The following CDK8 variants were observed in gnomAD, a reference collection of about 807,000 sequenced individuals.
The protein encoded by CDK8 is cyclin-dependent kinase 8.
A neutral mutation model predicts 71.5 loss-of-function variants in CDK8; 29 were observed. The observed-to-expected ratio is 0.41, with a 90% CI of 0.30 to 0.55. The LOEUF is 0.55. Among genes scored for constraint, CDK8 ranks in the 20% least tolerant of loss-of-function variants. The pLI is 0.37. For missense variants in CDK8, 288 were observed against 572.6 expected (o/e 0.50, Z 5.07); for synonymous variants, 161 against 192.1 (o/e 0.84, Z 1.34).
intron 6 of CDK8, among the ~76,000 whole-genome samples, chr13:26,391,726 T>G (rs1466788493): frequency 6.6e-6 from 1 of 152,252 alleles, no homozygotes; most frequent in African/African-American, 2.4e-5. Flanking sequence ...CTATGTTTCT[T>G]GATGAGACTT....
chr13:26,375,433 C>T lies in CDK8; in HGVS notation c.457-7381C>T, dbSNP rs151250310. ...GCTTGCCAAAAGATAGCCTATCACT[C>T]TTAAGATACAGACACCCTTTTATAT... On this transcript the variant is annotated intron_variant, in intron 4 of 12. Transcript: ENST00000381527. Among the ~76,000 whole-genome samples, 452 of 152,318 alleles carry T rather than the reference C, an allele frequency of 3.0e-3. 5 individuals carry two copies. The highest frequency in any genetic ancestry group is 0.01 in the African/African-American group (431 of 41,582).
chr13:26,289,490 T>C (rs1363639073), intron 1 of CDK8, among the ~76,000 whole-genome samples: 3 of 152,228 alleles, frequency 2.0e-5, no homozygotes, highest in Non-Finnish European at 4.4e-5. Flanking sequence ...TTGTTGCTAG[T>C]ATTTGAAGGA....
At chr13:26,256,260 A>G (rs1338009011) in intron 1 of CDK8, among the ~76,000 whole-genome samples, 2 of 152,142 alleles carry the variant, frequency 1.3e-5, no homozygotes, top group African/African-American at 4.8e-5. Flanking sequence ...GTCTAATTAG[A>G]CTTATTGTTG....
rs544003845 is a variant in CDK8 at position 26,362,621 on chromosome 13, G to C, written c.456+8741G>C. Among the ~76,000 whole-genome samples, 55 of 152,126 alleles carry C rather than the reference G, an allele frequency of 3.6e-4. 1 individual carries two copies. In the South Asian group the frequency reaches 0.011, roughly 31 times the overall value. On this transcript the variant is annotated intron_variant, in intron 4 of 12. Transcript: ENST00000381527. ...CATCTGGGCCCTCACCTAATAAGATGGTGTCCATCTATGTACGTTACTTGG... is the reference window on the plus strand; with the variant it reads ...CATCTGGGCCCTCACCTAATAAGATCGTGTCCATCTATGTACGTTACTTGG...
In CDK8 at chr13:26,401,238, C is replaced by G; in HGVS notation, c.1032-31C>G. On this transcript the variant is annotated intron_variant, in intron 10 of 12. Coordinates refer to ENST00000381527, the MANE Select transcript of CDK8 (RefSeq NM_001260.3). The surrounding 1 kb of genome is among the most constrained non-coding windows in gnomAD (Gnocchi z 4.5). ...GCATTTGGAATATTGATTAGTATACCAGAAATGGTTTTTCTTTTTCTTATG... is the reference window on the plus strand; with the variant it reads ...GCATTTGGAATATTGATTAGTATACGAGAAATGGTTTTTCTTTTTCTTATG... The G allele has an allele frequency of 1.3e-6, 2 of 1,528,960 alleles. No individual in the cohort carries two copies. Among genetic ancestry groups the G allele is most frequent in the Non-Finnish European group, 1.8e-6 (2 of 1,105,716 alleles). 94.7% of individuals were successfully genotyped at this position (1,528,960 alleles called of 1,614,324 possible).
chr13:26,398,513 C>G (rs1272794163), intron 9 of CDK8, among the ~76,000 whole-genome samples: 1 of 152,152 alleles, frequency 6.6e-6, no homozygotes, highest in Non-Finnish European at 1.5e-5. Context: ...TGAGTAGTCT[C>G]TTAGGAAAGC....
chr13:26,382,784 C>T, intron 4 of CDK8, 30 bp from the exon 5 acceptor site: 1 of 1,463,416 alleles, frequency 6.8e-7, no homozygotes, highest in South Asian at 1.2e-5. Flanking sequence ...CTACTGTCTA[C>T]TGAAAAAAAA....
intron 1 of CDK8, among the ~76,000 whole-genome samples, chr13:26,280,704 C>G (rs941459772): frequency 6.6e-6 from 1 of 152,192 alleles, no homozygotes; most frequent in African/African-American, 2.4e-5. Flanking sequence ...GATTTCCTGT[C>G]TTGTTGAATA....
chr13:26,258,493 G>T (rs1233310283), intron 1 of CDK8, among the ~76,000 whole-genome samples: 3 of 101,052 alleles, frequency 3.0e-5, no homozygotes, highest in African/African-American at 7.5e-5. Context: ...ATCTAGAGGG[G>T]TGTGTGTGTG....
At chr13:26,313,860 G>C (rs925301001) in intron 1 of CDK8, among the ~76,000 whole-genome samples, 2 of 152,182 alleles carry the variant, frequency 1.3e-5, no homozygotes, top group Admixed American at 6.5e-5. Context: ...ACAGGTCGGA[G>C]AACAGGGATT....
At chr13:26,298,002 T>G (rs1254184410) in intron 1 of CDK8, among the ~76,000 whole-genome samples, 1 of 152,022 alleles carries the variant, frequency 6.6e-6, no homozygotes, top group African/African-American at 2.4e-5. Flanking sequence ...AATATCCCAT[T>G]GCCCCTATTA....
At position 26,393,431 on chromosome 13, in the gene CDK8, A is replaced by G. The variant is rs1875847243; in HGVS notation, c.711A>G (p.Arg237=). The change falls in exon 7 of 13, where the codon CGA becomes CGG. Residue 237 remains arginine (R), a synonymous_variant. Coordinates refer to ENST00000381527, the MANE Select transcript of CDK8 (RefSeq NM_001260.3). The part of the protein sequence containing the change: ...LLTSEPIFHC[R]QEDIKTSNPY... ...CGTCAGAACCAATATTTCACTGTCGACAAGAGGACATCAAAACTAGTAATC... is the reference window on the plus strand; with the variant it reads ...CGTCAGAACCAATATTTCACTGTCGGCAAGAGGACATCAAAACTAGTAATC... 1.2e-6 allele frequency: 2 copies of G among 1,612,126 alleles called. No homozygotes were observed. Among genetic ancestry groups the G allele is most frequent in the Non-Finnish European group, 1.7e-6 (2 of 1,178,712 alleles).
chr13:26,299,185 G>T (rs1230757343), intron 1 of CDK8, among the ~76,000 whole-genome samples: 1 of 152,168 alleles, frequency 6.6e-6, no homozygotes, highest in African/African-American at 2.4e-5. Context: ...CCTTAGGAAG[G>T]ATTAATGCTA....
At chr13:26,332,586 C>T (rs1044555246) in intron 1 of CDK8, among the ~76,000 whole-genome samples, 1 of 152,134 alleles carries the variant, frequency 6.6e-6, no homozygotes, top group African/African-American at 2.4e-5. Context: ...CCTGTCTGAT[C>T]GCTCTACCTA....
At chr13:26,325,591 T>C (rs1874980355) in intron 1 of CDK8, among the ~76,000 whole-genome samples, 1 of 152,146 alleles carries the variant, frequency 6.6e-6, no homozygotes, top group African/African-American at 2.4e-5. Flanking sequence ...TTGGGCTGAA[T>C]GATTCTAAGG....
At chr13:26,361,827 A>T (rs1874158165) in intron 4 of CDK8, among the ~76,000 whole-genome samples, 1 of 100,918 alleles carries the variant, frequency 9.9e-6, no homozygotes, top group East Asian at 2.9e-4. Flanking sequence ...ACAGGGTGTC[A>T]CTGTGTTGCC....
Position 26,288,180 on chromosome 13 carries a change from T to C in CDK8, c.128+33411T>C, listed in dbSNP as rs1161841492. ...GGTTTCACCATGCTGGCCAGGCTGA[T>C]CTTGAATTCCTGACCTCGTGATCCG... is the stretch of plus-strand genomic sequence containing the variant. On this transcript the variant is annotated intron_variant, in intron 1 of 12. Coordinates refer to ENST00000381527, the MANE Select transcript of CDK8 (RefSeq NM_001260.3). Among the ~76,000 whole-genome samples the C allele has an allele frequency of 4.6e-5, 7 of 152,162 alleles. No homozygotes were observed. The South Asian group carries it at 1.2e-3, about 27-fold the overall frequency.
chr13:26,263,170 C>G (rs190797783), intron 1 of CDK8, among the ~76,000 whole-genome samples: 34 of 152,044 alleles, frequency 2.2e-4, no homozygotes, highest in Admixed American at 1.4e-3. Flanking sequence ...GAGTCTCGCT[C>G]TGTTGCCCAG....
chr13:26,382,969 C>A, intron 5 of CDK8, 98 bp downstream of exon 5: 3 of 647,750 alleles, frequency 4.6e-6, no homozygotes, highest in Non-Finnish European at 7.8e-6. Flanking sequence ...TGCATATATT[C>A]ATGTAGTTCC....
Sources: allele counts gnomAD v4.1 joint callset (sites outside exome capture counted in the v4.1 genomes callset), GRCh38; gene constraint gnomAD v4.1.1; non-coding constraint Gnocchi (gnomAD v3.1); transcripts MANE v1.5; gene names NCBI Gene and HGNC (gene_info 2026-07-23, HGNC 2026-07-21).